DOCK4: variants seen among roughly 807,000 people sequenced by gnomAD.
DOCK4 encodes the protein dedicator of cytokinesis protein 4.
In DOCK4, 97 loss-of-function variants were observed where a neutral mutation model predicts 268.1. That is an observed-to-expected ratio of 0.36 (90% confidence interval 0.31 to 0.43). DOCK4 has a LOEUF of 0.43. DOCK4 is among the 20% of genes least tolerant of loss of function. DOCK4 has a pLI of 1.00. For synonymous variants in DOCK4, 954 were observed against 887.2 expected (o/e 1.08, Z -1.34); for missense variants, 2,145 against 2,455.7 (o/e 0.87, Z 2.67).
intron 4 of DOCK4, among the ~76,000 whole-genome samples, chr7:111,996,231 T>TA: frequency 6.6e-6 from 1 of 152,188 alleles, no homozygotes; most frequent in East Asian, 1.9e-4. Context: ...AGAAAGAACA[T>TA]ACACGCAATT....
At chr7:111,769,826 G>GT (rs1798007738) in intron 36 of DOCK4, 149 bp from the exon 37 acceptor site, 1 of 902,588 alleles carries the variant, frequency 1.1e-6, no homozygotes, top group African/African-American at 1.7e-5. Flanking sequence ...ATATGCAGCA[G>GT]TAGGGTAATG....
At chr7:112,205,988 G>T in intron 1 of DOCK4, 114 bp downstream of exon 1, 2 of 1,209,892 alleles carry the variant, frequency 1.7e-6, no homozygotes, top group Non-Finnish European at 1.2e-6. Flanking sequence ...GCTGCGCGAT[G>T]CCAGGATTAG....
chr7:111,870,258 C>T (rs1186227410), intron 20 of DOCK4, among the ~76,000 whole-genome samples: 1 of 151,664 alleles, frequency 6.6e-6, no homozygotes, highest in Non-Finnish European at 1.5e-5. Flanking sequence ...CCACAACTCT[C>T]AAGATGACAG....
rs56037303 is a variant in DOCK4, at chr7:111,752,578, G to GTTT, written c.4416+2934_4416+2936dup. 4.6e-3 allele frequency among the ~76,000 whole-genome samples: 377 copies of GTTT among 82,206 alleles called. 6 individuals are homozygous for GTTT. The highest frequency in any genetic ancestry group is 8.9e-3 in the African/African-American group (172 of 19,234). 53.9% of individuals were successfully genotyped at this position (82,206 alleles called of 152,430 possible). The stretch of plus-strand genomic sequence containing the variant: ...ATTAAAAATTTTTTAATCAGCTTAG[G>GTTT]TTTTTTTTTTTTTTTTTTTTTTTTT... On this transcript the variant is annotated intron_variant, in intron 42 of 52. Transcript: ENST00000428084.
chr7:112,134,345 T>C (rs1298333279), intron 1 of DOCK4, among the ~76,000 whole-genome samples: 2 of 152,192 alleles, frequency 1.3e-5, no homozygotes, highest in Non-Finnish European at 2.9e-5. Flanking sequence ...AAGCATCTGA[T>C]TTCAATATGG....
intron 52 of DOCK4, among the ~76,000 whole-genome samples, chr7:111,730,781 A>G (rs1004006404): frequency 1.3e-5 from 2 of 152,176 alleles, no homozygotes; most frequent in African/African-American, 2.4e-5. Context: ...TTCAAACCCT[A>G]CATATAAAGA....
At chr7:112,115,813 C>A (rs1001137608) in intron 1 of DOCK4, among the ~76,000 whole-genome samples, 1 of 152,144 alleles carries the variant, frequency 6.6e-6, no homozygotes, top group Non-Finnish European at 1.5e-5. Context: ...TCCTGAGTAG[C>A]AGGACTACAG....
At chr7:111,760,910 G>A (rs552209578) in intron 39 of DOCK4, among the ~76,000 whole-genome samples, 31 of 152,070 alleles carry the variant, frequency 2.0e-4, no homozygotes, top group African/African-American at 7.0e-4. Context: ...AGATATGACG[G>A]ATCTCTGACA....
rs533217182 is a variant in DOCK4, at chr7:111,878,943, A to G, written c.1588-1757T>C. On this transcript the variant is annotated intron_variant, in intron 16 of 52. Transcript: ENST00000428084. The stretch of plus-strand genomic sequence containing the variant: ...CAACTCCTAGTGCTAGGCTGGGCTT[A>G]GAGTCCATGGACAAGGGTAGCATGT... Among the ~76,000 whole-genome samples the G allele has an allele frequency of 1.0e-3, 158 of 152,158 alleles. 1 individual carries two copies. Among genetic ancestry groups the G allele is most frequent in the African/African-American group, 3.6e-3 (150 of 41,472 alleles).
intron 1 of DOCK4, among the ~76,000 whole-genome samples, chr7:112,095,608 A>G (rs1020033260): frequency 8.5e-5 from 13 of 152,190 alleles, no homozygotes; most frequent in Non-Finnish European, 4.4e-5. Context: ...ATGCATACTA[A>G]CTTGATATAC....
intron 1 of DOCK4, among the ~76,000 whole-genome samples, chr7:112,172,164 T>C (rs938800247): frequency 6.6e-6 from 1 of 152,240 alleles, no homozygotes; most frequent in South Asian, 2.1e-4. Context: ...AATGCCCCGA[T>C]GAAATTTAAA....
intron 1 of DOCK4, among the ~76,000 whole-genome samples, chr7:112,140,825 G>A (rs1814851100): frequency 6.6e-6 from 1 of 152,112 alleles, no homozygotes; most frequent in South Asian, 2.1e-4. Context: ...CCACATGGCA[G>A]AGATGTTTTC....
chr7:112,072,012 T>C (rs1335207588), intron 1 of DOCK4, among the ~76,000 whole-genome samples: 2 of 152,244 alleles, frequency 1.3e-5, no homozygotes, highest in Non-Finnish European at 1.5e-5. Context: ...TGAACTCATC[T>C]TCCTGCAAAC....
At position 111,847,129 on chromosome 7, in the gene DOCK4, G is replaced by C; in HGVS notation, c.2474-3C>G. The C allele has an allele frequency of 6.2e-7, 1 of 1,613,576 alleles. No homozygotes were observed. The highest frequency in any genetic ancestry group is 8.5e-7 in the Non-Finnish European group (1 of 1,179,582). On this transcript the variant is annotated splice_region_variant and splice_polypyrimidine_tract_variant and intron_variant, in intron 23 of 52. Coordinates refer to ENST00000428084, the MANE Select transcript of DOCK4 (RefSeq NM_001363540.2). Reference sequence around the variant, plus strand: ...AGGCAGAAGAATGTATCGGGAATCTGAAGAGAGAAGAGTCATTAGTGTCAC... The same window carrying C: ...AGGCAGAAGAATGTATCGGGAATCTCAAGAGAGAAGAGTCATTAGTGTCAC...
At chr7:111,818,171 TC>T (rs1801698894) in intron 27 of DOCK4, among the ~76,000 whole-genome samples, 1 of 152,226 alleles carries the variant, frequency 6.6e-6, no homozygotes, top group South Asian at 2.1e-4. Flanking sequence ...CTCAGTCCTG[TC>T]TTTTTCTCTT....
intron 40 of DOCK4, 27 bp from the exon 41 acceptor site, chr7:111,758,817 C>T (rs765764123): frequency 6.2e-7 from 1 of 1,610,850 alleles, no homozygotes. Context: ...AAGGAGAGAA[C>T]CTGACTTGGC....
chr7:112,066,732 T>TATAC (rs1563052515), intron 1 of DOCK4, among the ~76,000 whole-genome samples: 13 of 106,704 alleles, frequency 1.2e-4, no homozygotes, highest in East Asian at 1.1e-3. Flanking sequence ...TATATATATA[T>TATAC]ATATATATAT....
intron 1 of DOCK4, among the ~76,000 whole-genome samples, chr7:112,190,282 A>G (rs564056059): frequency 4.6e-4 from 70 of 152,278 alleles, no homozygotes; most frequent in Non-Finnish European, 7.8e-4. Context: ...GGGCTTCCCT[A>G]CACTGTAGCA....
chr7:111,842,570 G>T (rs1183430223), intron 25 of DOCK4, among the ~76,000 whole-genome samples: 1 of 152,194 alleles, frequency 6.6e-6, no homozygotes, highest in Non-Finnish European at 1.5e-5. Flanking sequence ...TGGAGCCAGA[G>T]AAGGTCAAAC....
Sources: gnomAD v4.1 joint callset for allele counts (sites outside exome capture counted in the v4.1 genomes callset) on GRCh38, gnomAD v4.1.1 for gene constraint, MANE v1.5 for transcripts, NCBI Gene and HGNC (gene_info 2026-07-23, HGNC 2026-07-21) for gene names.